The following CD80 variants were observed in gnomAD, a reference collection of about 807,000 sequenced individuals.
CD80 encodes T-lymphocyte activation antigen CD80.
CD80 carries 13 observed loss-of-function variants against 27.1 expected under a neutral mutation model. The observed-to-expected ratio is 0.48, with a 90% CI of 0.31 to 0.76. The LOEUF is 0.76. Ranked by LOEUF, CD80 falls within the 30% of genes least tolerant of loss-of-function variation. The probability of loss-of-function intolerance (pLI) is 0.04; values close to 1 mark genes in which losing one functional copy is unlikely to be tolerated. For missense variants in CD80, 277 were observed against 347.9 expected, an observed-to-expected ratio of 0.80 and a Z score of 1.62; for synonymous variants, 125 against 125.5, an observed-to-expected ratio of 1.00 and a Z score of 0.03.
chr3:119,547,385 C>T (rs368823286), intron 2 of CD80, among the ~76,000 whole-genome samples: 2 of 152,208 alleles, frequency 1.3e-5, no homozygotes, highest in African/African-American at 4.8e-5. Flanking sequence ...CTTTTGATTT[C>T]GTCTTTGGAC....
intron 2 of CD80, among the ~76,000 whole-genome samples, chr3:119,548,850 C>T (rs1253922031): frequency 6.6e-6 from 1 of 152,092 alleles, no homozygotes; most frequent in African/African-American, 2.4e-5. Context: ...GCCTGGTCAA[C>T]ATGGTGAAAC....
intron 2 of CD80, among the ~76,000 whole-genome samples, chr3:119,557,242 C>T (rs917346605): frequency 1.3e-5 from 2 of 152,156 alleles, no homozygotes; most frequent in African/African-American, 2.4e-5. Context: ...AGGACACTTT[C>T]GCTGAGCTGT....
At chr3:119,557,393 G>A (rs1205310525) in intron 2 of CD80, among the ~76,000 whole-genome samples, 4 of 152,136 alleles carry the variant, frequency 2.6e-5, no homozygotes, top group Admixed American at 6.5e-5. Flanking sequence ...TCCCTTCCAC[G>A]CTTCCTTGAA....
chr3:119,551,371 T>A (rs552717244), intron 2 of CD80, among the ~76,000 whole-genome samples: 1 of 152,334 alleles, frequency 6.6e-6, no homozygotes, highest in East Asian at 1.9e-4. Flanking sequence ...GAATTGGGAC[T>A]GTTAAAAGGT....
intron 5 of CD80, 83 bp from the exon 6 acceptor site, chr3:119,527,924 G>T (rs920223941): frequency 3.4e-6 from 4 of 1,193,712 alleles, no homozygotes; most frequent in African/African-American, 1.5e-5. Flanking sequence ...CTTTAGCAAG[G>T]CTTCAGACTG....
intron 3 of CD80, 22 bp downstream of exon 3, chr3:119,544,528 A>G: frequency 6.2e-7 from 1 of 1,604,088 alleles, no homozygotes; most frequent in South Asian, 1.1e-5. Flanking sequence ...GGCCTAGAGT[A>G]AAATCAGAAA....
intron 4 of CD80, among the ~76,000 whole-genome samples, chr3:119,535,223 G>A (rs922552103): frequency 6.6e-6 from 1 of 151,338 alleles, no homozygotes; most frequent in Admixed American, 6.6e-5. Flanking sequence ...CTGTAACACT[G>A]AAAGATCTAG....
intron 2 of CD80, among the ~76,000 whole-genome samples, chr3:119,549,827 G>A (rs2082221722): frequency 6.6e-6 from 1 of 152,214 alleles, no homozygotes; most frequent in Non-Finnish European, 1.5e-5. Context: ...CTTGAAGGGA[G>A]CATATTTCAA....
At chr3:119,536,419 C>T (rs1447683355) in intron 4 of CD80, among the ~76,000 whole-genome samples, 1 of 152,110 alleles carries the variant, frequency 6.6e-6, no homozygotes, top group Admixed American at 6.5e-5. Context: ...TAGCTCACTG[C>T]AACTTTGAAC....
At chr3:119,533,504 C>T (rs1276627687) in intron 4 of CD80, among the ~76,000 whole-genome samples, 3 of 151,830 alleles carry the variant, frequency 2.0e-5, no homozygotes, top group African/African-American at 7.3e-5. Flanking sequence ...ACAGTTGCCA[C>T]ATGTCATGGG....
At chr3:119,527,510 C>A in intron 6 of CD80, 1 of 467,050 alleles carries the variant, frequency 2.1e-6, no homozygotes, top group African/African-American at 2.0e-5. Flanking sequence ...CAAGACAATT[C>A]AAGATGGCAG....
At position 119,537,441 on chromosome 3, in the gene CD80, T is replaced by C. The variant is rs772025362; in HGVS notation, c.419-23A>G. 17 of 1,480,844 alleles carry C rather than the reference T, an allele frequency of 1.1e-5. No homozygotes were observed. In the East Asian group the frequency reaches 2.5e-4, roughly 22 times the overall value. 91.7% of individuals were successfully genotyped at this position (1,480,844 alleles called of 1,614,324 possible). ...CAGCTAAAGAAAGAACAAGAATATA[T>C]AATTACGTATAGTTACAAACCTATG... On this transcript the variant is annotated intron_variant, in intron 3 of 6. Transcript: ENST00000264246.
intron 4 of CD80, among the ~76,000 whole-genome samples, chr3:119,532,140 T>C (rs1263662274): frequency 6.6e-6 from 1 of 152,190 alleles, no homozygotes; most frequent in Non-Finnish European, 1.5e-5. Flanking sequence ...ATGGTTCTGT[T>C]TGTGGTCCCA....
intron 2 of CD80, among the ~76,000 whole-genome samples, chr3:119,551,596 C>T (rs967459287): frequency 2.0e-5 from 3 of 152,192 alleles, no homozygotes; most frequent in South Asian, 2.1e-4. Flanking sequence ...TTGGACTTCC[C>T]AGCCTCCAGA....
chr3:119,527,676 A>G, intron 6 of CD80, 57 bp downstream of exon 6: 1 of 1,018,670 alleles, frequency 9.8e-7, no homozygotes, highest in Non-Finnish European at 1.5e-6. Flanking sequence ...TTGTTAAGGG[A>G]AGAATGCCTC....
At chr3:119,551,038 G>T (rs917163225) in intron 2 of CD80, among the ~76,000 whole-genome samples, 1 of 152,190 alleles carries the variant, frequency 6.6e-6, no homozygotes, top group African/African-American at 2.4e-5. Context: ...TATATTTACA[G>T]GTATATGTGA....
intron 2 of CD80, among the ~76,000 whole-genome samples, chr3:119,553,388 T>A (rs2629403): frequency 6.6e-6 from 1 of 152,008 alleles, no homozygotes; most frequent in African/African-American, 2.4e-5. Context: ...GATCCACCCA[T>A]CTCGGCCTCC....
At chr3:119,542,165 T>C (rs373618574) in intron 3 of CD80, among the ~76,000 whole-genome samples, 8 of 147,686 alleles carry the variant, frequency 5.4e-5, no homozygotes, top group East Asian at 2.0e-4. Context: ...ATTTCAGGAG[T>C]CAATGCAGGT....
chr3:119,526,497 A>C (rs2082066912), intron 6 of CD80, among the ~76,000 whole-genome samples: 1 of 152,192 alleles, frequency 6.6e-6, no homozygotes, highest in African/African-American at 2.4e-5. Context: ...AAGTTGAGAC[A>C]CTGCCTTGGG....
Sources: gnomAD v4.1 joint callset for allele counts (sites outside exome capture counted in the v4.1 genomes callset) on GRCh38, gnomAD v4.1.1 for gene constraint, MANE v1.5 for transcripts, NCBI Gene and HGNC (gene_info 2026-07-23, HGNC 2026-07-21) for gene names.